SHPRH: variants seen among roughly 807,000 people sequenced by gnomAD.
SHPRH encodes E3 ubiquitin-protein ligase SHPRH.
In SHPRH, 106 loss-of-function variants were observed where a neutral mutation model predicts 202.5. The ratio of observed to expected loss-of-function variants is 0.52; its 90% confidence interval spans 0.45 to 0.62. The LOEUF (loss-of-function observed/expected upper bound fraction) is 0.62, where lower values mean the gene tolerates loss of function less well. Ranked by LOEUF, SHPRH falls within the 20% of genes least tolerant of loss-of-function variation. The pLI is 0.00. For missense variants in SHPRH, 1,710 were observed against 2,020.0 expected (o/e 0.85, Z 2.94); for synonymous variants, 729 against 686.0 (o/e 1.06, Z -0.98).
intron 2 of SHPRH, among the ~76,000 whole-genome samples, chr6:145,874,802 T>G (rs1264455571): frequency 6.6e-6 from 1 of 152,200 alleles, no homozygotes; most frequent in African/African-American, 2.4e-5. Context: ...CATATGAAAA[T>G]CTCCTGAATA....
At chr6:145,909,430 C>T (rs1157625712) in intron 25 of SHPRH, 1 of 151,978 alleles carries the variant, frequency 6.6e-6, no homozygotes, top group Admixed American at 6.6e-5. Flanking sequence ...TCCCAACAGA[C>T]TAAAGAGCAA....
Position 145,921,401 on chromosome 6 carries a change from A to G in SHPRH, c.3783-9T>C, listed in dbSNP as rs765531415. On this transcript the variant is annotated splice_polypyrimidine_tract_variant and intron_variant, in intron 20 of 29. Coordinates refer to ENST00000275233, the MANE Select transcript of SHPRH (RefSeq NM_001042683.3). ...CAGTCTGGCCTTTGACTCTGAAAAC[A>G]TACCAGAACAAAACAACAGTAACTG... 31 of 1,611,084 alleles carry G rather than the reference A, an allele frequency of 1.9e-5. No homozygotes were observed. The highest frequency in any genetic ancestry group is 2.5e-5 in the Non-Finnish European group (30 of 1,178,284).
chr6:145,945,098 A>G (rs940545137), intron 8 of SHPRH, among the ~76,000 whole-genome samples: 1 of 152,102 alleles, frequency 6.6e-6, no homozygotes, highest in African/African-American at 2.4e-5. Flanking sequence ...TTTATACTCT[A>G]TAATACGCTT....
intron 8 of SHPRH, among the ~76,000 whole-genome samples, 172 bp from the exon 9 acceptor site, chr6:145,943,974 C>T (rs1562357254): frequency 6.6e-6 from 1 of 152,018 alleles, no homozygotes; most frequent in Non-Finnish European, 1.5e-5. Flanking sequence ...CTGTAAGGAC[C>T]CTCACTTCAT....
In SHPRH at chr6:145,894,775, T is replaced by G. The variant is rs1266110616; in HGVS notation, c.4608+110A>C. ...TAAAAATAATTCTATCTTATGGATTTGGGAAAAAAAATCTAAGAGTAAACA... is the reference window on the plus strand; with the variant it reads ...TAAAAATAATTCTATCTTATGGATTGGGGAAAAAAAATCTAAGAGTAAACA... On this transcript the variant is annotated intron_variant, in intron 26 of 29. Transcript: ENST00000275233. 4.6e-6 allele frequency: 4 copies of G among 877,976 alleles called. No individual in the cohort carries two copies. In the East Asian group the frequency reaches 1.1e-4, roughly 23 times the overall value. 54.4% of individuals were successfully genotyped at this position (877,976 alleles called of 1,614,324 possible).
Position 145,935,028 on chromosome 6 carries a change from G to A in SHPRH, c.2869C>T (p.Leu957=). The A allele has an allele frequency of 1.2e-6, 2 of 1,614,086 alleles. No homozygotes were observed. The highest frequency in any genetic ancestry group is 1.7e-6 in the Non-Finnish European group (2 of 1,180,008). The change falls in exon 13 of 30, where the codon CTG becomes TTG. Residue 957 remains leucine (L), a synonymous_variant. Coordinates refer to ENST00000275233, the MANE Select transcript of SHPRH (RefSeq NM_001042683.3). Reference sequence around the variant, plus strand: ...CTTCTGTCTAGGCTGCTGAGCTTCAGAGCCCAGTCAGAAATCTTCCTGAGT... The same window carrying A: ...CTTCTGTCTAGGCTGCTGAGCTTCAAAGCCCAGTCAGAAATCTTCCTGAGT... ...VKLRKISDWA[L]KLSSLDRRTV... is the part of the protein sequence containing the mutation.
Position 145,921,161 on chromosome 6 carries a change from C to T in SHPRH, c.4008+6G>A. The T allele has an allele frequency of 1.2e-6, 2 of 1,609,132 alleles. No individual in the cohort carries two copies. The highest frequency in any genetic ancestry group is 2.2e-5 in the South Asian group (2 of 90,700). On this transcript the variant is annotated splice_donor_region_variant and intron_variant, in intron 21 of 29. Coordinates refer to ENST00000275233, the MANE Select transcript of SHPRH (RefSeq NM_001042683.3). ...AATTTTGGAAGGAAGTTTTAAAATA[C>T]TATACCTTATATTCCTTCTTCCATG...
At chr6:145,865,369 G>T (rs1299293350) in intron 2 of SHPRH, among the ~76,000 whole-genome samples, 1 of 152,216 alleles carries the variant, frequency 6.6e-6, no homozygotes, top group East Asian at 1.9e-4. Context: ...TAGATGAAAA[G>T]ATGGTTGCTA....
chr6:145,886,829 A>G (rs1464481631), intron 29 of SHPRH, 42 bp from the exon 30 acceptor site: 1 of 1,588,990 alleles, frequency 6.3e-7, no homozygotes, highest in East Asian at 2.2e-5. Flanking sequence ...AAGAAACCCC[A>G]AGCCATCAGC....
At chr6:145,942,465 C>A (rs1786895155) in intron 9 of SHPRH, among the ~76,000 whole-genome samples, 1 of 152,114 alleles carries the variant, frequency 6.6e-6, no homozygotes, top group Non-Finnish European at 1.5e-5. Flanking sequence ...AGCTTCTTAA[C>A]AGCAAAAATT....
intron 24 of SHPRH, among the ~76,000 whole-genome samples, chr6:145,913,058 T>C (rs1183631489): frequency 6.6e-6 from 1 of 152,106 alleles, no homozygotes; most frequent in Non-Finnish European, 1.5e-5. Flanking sequence ...GAACAAGTAT[T>C]ATGAGACATT....
At chr6:145,878,480 C>T (rs1026191700) in intron 2 of SHPRH, among the ~76,000 whole-genome samples, 3 of 152,178 alleles carry the variant, frequency 2.0e-5, no homozygotes, top group Non-Finnish European at 2.9e-5. Flanking sequence ...CTTCATATTT[C>T]GGTTTTGATA....
At chr6:145,908,859 C>A (rs1031399549) in intron 25 of SHPRH, 22 of 152,034 alleles carry the variant, frequency 1.4e-4, no homozygotes, top group African/African-American at 4.8e-4. Flanking sequence ...CCTAGGTTTT[C>A]TTCTCGGATT....
At position 145,919,501 on chromosome 6, in the gene SHPRH, T is replaced by C. The variant is rs117008643; in HGVS notation, c.4009-10A>G. 5,258 of 1,611,796 alleles carry C rather than the reference T, an allele frequency of 3.3e-3. 120 individuals carry two copies. In the East Asian group the frequency reaches 0.065, roughly 20 times the overall value. On this transcript the variant is annotated splice_polypyrimidine_tract_variant and intron_variant, in intron 21 of 29. Coordinates refer to ENST00000275233, the MANE Select transcript of SHPRH (RefSeq NM_001042683.3). The stretch of plus-strand genomic sequence containing the variant: ...AATATTCATGAAGCAACTGAAGGAA[T>C]AGAAAAGACAAACACAGTGGTAAAG...
chr6:145,955,421 G>T, intron 1 of SHPRH, 67 bp from the exon 2 acceptor site: 1 of 1,403,776 alleles, frequency 7.1e-7, no homozygotes, highest in Non-Finnish European at 9.5e-7. Flanking sequence ...GTTACCAGAT[G>T]AGAAATTCAG....
At chr6:145,873,692 AGAG>A (rs1780159602) in intron 2 of SHPRH, among the ~76,000 whole-genome samples, 1 of 108,060 alleles carries the variant, frequency 9.3e-6, no homozygotes, top group Admixed American at 9.7e-5. Flanking sequence ...AACAGTTGCT[AGAG>A]GAAGGAAGGA....
chr6:145,937,644 C>A (rs1012508227), intron 11 of SHPRH, among the ~76,000 whole-genome samples: 4 of 152,092 alleles, frequency 2.6e-5, no homozygotes, highest in Non-Finnish European at 4.4e-5. Flanking sequence ...AAATAAAATT[C>A]TTTAACAAGG....
chr6:145,916,378 C>A (rs1222173083), intron 23 of SHPRH, among the ~76,000 whole-genome samples: 2 of 151,992 alleles, frequency 1.3e-5, no homozygotes, highest in Non-Finnish European at 2.9e-5. Context: ...AGATGTTCAA[C>A]CTACATAAAA....
At chr6:145,940,496 A>G (rs889590224) in intron 11 of SHPRH, among the ~76,000 whole-genome samples, 1 of 151,828 alleles carries the variant, frequency 6.6e-6, no homozygotes, top group African/African-American at 2.4e-5. Context: ...GTTCAACTTA[A>G]GGCAATGAGA....
Sources: gnomAD v4.1 joint callset for allele counts (sites outside exome capture counted in the v4.1 genomes callset) on GRCh38, gnomAD v4.1.1 for gene constraint, MANE v1.5 for transcripts, NCBI Gene and HGNC (gene_info 2026-07-23, HGNC 2026-07-21) for gene names.